The following FLG variants were observed in gnomAD, a reference collection of about 807,000 sequenced individuals.
FLG encodes the protein epidermal filaggrin.
FLG carries 6 observed loss-of-function variants against 3.8 expected under a neutral mutation model. The ratio of observed to expected loss-of-function variants is 1.60; its 90% CI spans 0.87 to 3.15. FLG has a LOEUF of 3.15. Ranked by LOEUF, FLG falls within the 30% of genes most tolerant of loss-of-function variation. FLG has a pLI of 0.00. For synonymous variants in FLG, 2,551 were observed against 1,931.6 expected (o/e 1.32, Z -8.41); for missense variants, 7,595 against 5,050.9 (o/e 1.50, Z -15.27).
rs149599296 is a variant in FLG at position 152,314,212 on chromosome 1, T to C, written c.674A>G (p.Gln225Arg). Residue 225 changes from glutamine to arginine, a missense_variant, in exon 3 of 3, where the codon CAA (glutamine) becomes CGA (arginine). Gln to Arg is a conservative substitution (Grantham distance 43). Coordinates refer to ENST00000368799, the MANE Select transcript of FLG (RefSeq NM_002016.2). ...YDYENTGRMT[Q>R]KWIQSGHIAT... The stretch of plus-strand genomic sequence containing the variant: ...AATATGGCCTGATTGTATCCATTTT[T>C]GAGTCATTCTTCCTGTATTTTCATA... The C allele has an allele frequency of 1.2e-6, 2 of 1,614,106 alleles. No individual in the cohort carries two copies. Among genetic ancestry groups the C allele is most frequent in the Non-Finnish European group, 1.7e-6 (2 of 1,180,016 alleles).
Position 152,309,202 on chromosome 1 carries a change from G to C in FLG, c.5684C>G (p.Ser1895Cys). Reference sequence around the variant, plus strand: ...TCCCTGGCCCACCTGCGAGTGTCTAGAGCTGTCGGCCCGAGAGGAAGCTTC... The same window carrying C: ...TCCCTGGCCCACCTGCGAGTGTCTACAGCTGTCGGCCCGAGAGGAAGCTTC... ...HHEASSRADS[S>C]RHSQVGQGQS... Residue 1895 changes from serine (S) to cysteine (C), a missense_variant, in exon 3 of 3, where the codon TCT becomes TGT. Physicochemically the swap from Ser to Cys is moderately radical, Grantham distance 112. Transcript: ENST00000368799. 1 of 1,613,730 alleles carries C rather than the reference G, an allele frequency of 6.2e-7. No homozygotes were observed. Among genetic ancestry groups the C allele is most frequent in the Non-Finnish European group, 8.5e-7 (1 of 1,179,942 alleles).
In FLG at chr1:152,310,918, G is replaced by T. The variant is rs1302490151; in HGVS notation, c.3968C>A (p.Ala1323Glu). 3.1e-6 allele frequency: 5 copies of T among 1,614,024 alleles called. No homozygotes were observed. Among genetic ancestry groups the T allele is most frequent in the Non-Finnish European group, 4.2e-6 (5 of 1,179,996 alleles). The change falls in exon 3 of 3, where the codon GCA becomes GAA. Residue 1323 changes from alanine (A) to glutamate (E), a missense_variant. Ala to Glu is a moderately radical substitution (Grantham distance 107). Coordinates refer to ENST00000368799, the MANE Select transcript of FLG (RefSeq NM_002016.2). ...AGTGCCTGATTGTCTGGAGCTGTCT[G>T]CAGAGTGCCCGTGACTGGCTCTGTC... is the stretch of plus-strand genomic sequence containing the variant. ...QEDRASHGHS[A>E]DSSRQSGTHH...
Position 152,312,688 on chromosome 1 carries a change from G to A in FLG, c.2198C>T (p.Ala733Val), listed in dbSNP as rs1345980902. The change falls in exon 3 of 3, where the codon GCA (alanine) becomes GTA (valine). Residue 733 changes from alanine (A) to valine (V), a missense_variant. Coordinates refer to ENST00000368799, the MANE Select transcript of FLG (RefSeq NM_002016.2). ...CCCTCGGTGTCCACTGTCTCTGACT[G>A]CAGATGAAGCTTGTCCGTGCCCAGT... ...SGTGHGQASS[A>V]VRDSGHRGSS... The A allele has an allele frequency of 2.5e-6, 4 of 1,614,004 alleles. No homozygotes were observed. Among genetic ancestry groups the A allele is most frequent in the Non-Finnish European group, 2.5e-6 (3 of 1,180,030 alleles).
chr1:152,310,722 T>G lies in FLG; in HGVS notation c.4164A>C (p.Arg1388=). 1.2e-6 allele frequency: 2 copies of G among 1,613,964 alleles called. No individual in the cohort carries two copies. Among genetic ancestry groups the G allele is most frequent in the Non-Finnish European group, 1.7e-6 (2 of 1,179,992 alleles). The change falls in exon 3 of 3, where the codon CGA becomes CGC. Residue 1388 remains arginine (R), a synonymous_variant. Coordinates refer to ENST00000368799, the MANE Select transcript of FLG (RefSeq NM_002016.2). The part of the protein sequence containing the change: ...ASSAVRDSGH[R]GSSGSQVTNS... ...TAGTGACCTGACTACCACTGGACCC[T>G]CGGTGTCCACTGTCTCTGACTGCAG...
chr1:152,303,666 C>G lies in FLG; in HGVS notation c.11220G>C (p.Glu3740Asp). Residue 3740 changes from glutamate (E) to aspartate (D), a missense_variant, in exon 3 of 3, where the codon GAG becomes GAC. Physicochemically the swap from Glu to Asp is conservative, Grantham distance 45. Transcript: ENST00000368799. ...AGTGCCTGGAGCTGTCTCGTGCCTG[C>G]TCGTGGCGGGATCCTTGTCTTCCTC... ...STGGRQGSRH[E>D]QARDSSRHSA... The G allele has an allele frequency of 6.2e-7, 1 of 1,613,958 alleles. No individual in the cohort carries two copies. The highest frequency in any genetic ancestry group is 8.5e-7 in the Non-Finnish European group (1 of 1,179,958).
At position 152,313,874 on chromosome 1, in the gene FLG, A is replaced by G; in HGVS notation, c.1012T>C (p.Ser338Pro). ...QSRDGSRHPR[S>P]HDEDRASHGH... Reference sequence around the variant, plus strand: ...TGACTGGCTCTGTCTTCATCATGGGACCTGGGGTGTCTGGAGCCATCTCTT... The same window carrying G: ...TGACTGGCTCTGTCTTCATCATGGGGCCTGGGGTGTCTGGAGCCATCTCTT... The change falls in exon 3 of 3, where the codon TCC becomes CCC. Residue 338 changes from serine to proline, a missense_variant. Physicochemically the swap from Ser to Pro is moderately conservative, Grantham distance 74. Coordinates refer to ENST00000368799, the MANE Select transcript of FLG (RefSeq NM_002016.2). 1.2e-6 allele frequency: 2 copies of G among 1,613,718 alleles called. No homozygotes were observed. Among genetic ancestry groups the G allele is most frequent in the Non-Finnish European group, 1.7e-6 (2 of 1,179,910 alleles).
Position 152,304,614 on chromosome 1 carries a change from G to A in FLG, c.10272C>T (p.His3424=), listed in dbSNP as rs758031430. 70 of 1,610,898 alleles carry A rather than the reference G, an allele frequency of 4.3e-5. No individual in the cohort carries two copies. The highest frequency in any genetic ancestry group is 5.1e-5 in the Non-Finnish European group (60 of 1,178,486). ...TGTCCTGACCCTCTTGGGACGCTGA[G>A]TGCCTGGAGCTGTCTCGTGCCTGCT... The part of the protein sequence containing the change: ...HHEQARDSSR[H]SASQEGQDTI... The change falls in exon 3 of 3, where the codon CAC becomes CAT. Residue 3424 remains histidine, a synonymous_variant. Transcript: ENST00000368799.
In FLG at chr1:152,305,968, C is replaced by T. The variant is rs1276361597; in HGVS notation, c.8918G>A (p.Ser2973Asn). The change falls in exon 3 of 3, where the codon AGT (serine) becomes AAT (asparagine). Residue 2973 changes from serine to asparagine, a missense_variant. Physicochemically the swap from Ser to Asn is conservative, Grantham distance 46. Coordinates refer to ENST00000368799, the MANE Select transcript of FLG (RefSeq NM_002016.2). ...AASSHEQARS[S>N]AGERHGSHHQ... ...GTGGGATCCATGTCTTTCTCCTGCA[C>T]TTGATCTTGCCTGTTCATGGGATGA... The T allele has an allele frequency of 6.4e-7, 1 of 1,554,568 alleles. No homozygotes were observed. The highest frequency in any genetic ancestry group is 1.1e-5 in the South Asian group (1 of 89,964).
chr1:152,317,171 CTT>C (rs1024122060), intron 1 of FLG, among the ~76,000 whole-genome samples: 4 of 152,094 alleles, frequency 2.6e-5, no homozygotes, highest in Admixed American at 2.6e-4. Context: ...ATTAATTCTT[CTT>C]TGTCTACTGG....
At position 152,304,930 on chromosome 1, in the gene FLG, G is replaced by T. The variant is rs138519433; in HGVS notation, c.9956C>A (p.Pro3319Gln). 3 of 1,613,164 alleles carry T rather than the reference G, an allele frequency of 1.9e-6. No individual in the cohort carries two copies. Among genetic ancestry groups the T allele is most frequent in the Middle Eastern group, 1.6e-4 (1 of 6,082 alleles). ...SADSSRHSGI[P>Q]RGQASSAVRD... Reference sequence around the variant, plus strand: ...GACTGCAGATGAAGCTTGTCCACGCGGAATGCCTGAGTGTCTGGAGCTGTC... The same window carrying T: ...GACTGCAGATGAAGCTTGTCCACGCTGAATGCCTGAGTGTCTGGAGCTGTC... The change falls in exon 3 of 3, where the codon CCG (proline) becomes CAG (glutamine). Residue 3319 changes from proline (P) to glutamine (Q), a missense_variant. Transcript: ENST00000368799.
Position 152,314,022 on chromosome 1 carries a change from C to T in FLG, c.864G>A (p.Arg288=). Residue 288 remains arginine (R), a synonymous_variant, in exon 3 of 3, where the codon AGG becomes AGA. Transcript: ENST00000368799. ...CTCTGGATCCCCTACGCTTTCTTGT[C>T]CTGGACTCCTGCAATGGTACCTGGC... The part of the protein sequence containing the change: ...NTSQVPLQES[R]TRKRRGSRVS... The T allele has an allele frequency of 6.2e-7, 1 of 1,614,154 alleles. No homozygotes were observed. Among genetic ancestry groups the T allele is most frequent in the Non-Finnish European group, 8.5e-7 (1 of 1,180,032 alleles).
In FLG at chr1:152,313,062, T is replaced by C. The variant is rs200389088; in HGVS notation, c.1824A>G (p.Ser608=). The part of the protein sequence containing the change: ...SRHSQVGQGQ[S]SGPRTSRNQG... ...GGTTCCTACTTGTCCTGGGCCCCGA[T>C]GATTGTCCCTGGCCCACCTGTGAGT... The change falls in exon 3 of 3, where the codon TCA becomes TCG. Residue 608 remains serine (S), a synonymous_variant. Transcript: ENST00000368799. 5 of 1,613,832 alleles carry C rather than the reference T, an allele frequency of 3.1e-6. No individual in the cohort carries two copies. The highest frequency in any genetic ancestry group is 4.2e-6 in the Non-Finnish European group (5 of 1,180,006).
At position 152,308,667 on chromosome 1, in the gene FLG, T is replaced by C. The variant is rs769415669; in HGVS notation, c.6219A>G (p.Lys2073=). 1 of 1,614,150 alleles carries C rather than the reference T, an allele frequency of 6.2e-7. No individual in the cohort carries two copies. The highest frequency in any genetic ancestry group is 2.2e-5 in the East Asian group (1 of 44,876). ...CCCCTGACTGGCCACGTGCGGACTC[T>C]TTGTGGCTCTGCTGATGGGGCCCAG... ...GKAGPHQQSH[K]ESARGQSGES... is the part of the protein sequence containing the mutation. Residue 2073 remains lysine (K), a synonymous_variant, in exon 3 of 3, where the codon AAA becomes AAG. Coordinates refer to ENST00000368799, the MANE Select transcript of FLG (RefSeq NM_002016.2).
chr1:152,307,970 G>A lies in FLG; in HGVS notation c.6916C>T (p.His2306Tyr). 1 of 1,614,190 alleles carries A rather than the reference G, an allele frequency of 6.2e-7. No homozygotes were observed. The highest frequency in any genetic ancestry group is 8.5e-7 in the Non-Finnish European group (1 of 1,180,050). The change falls in exon 3 of 3, where the codon CAT becomes TAT. Residue 2306 changes from histidine to tyrosine, a missense_variant. Transcript: ENST00000368799. ...AESSRQSGTH[H>Y]AENSSGGQAA... Reference sequence around the variant, plus strand: ...TGTCCACCAGAGGAATTCTCTGCATGATGAGTGCCTGATTGTCTGGAGCTC... The same window carrying A: ...TGTCCACCAGAGGAATTCTCTGCATAATGAGTGCCTGATTGTCTGGAGCTC...
In FLG at chr1:152,314,041, A is replaced by G. The variant is rs749387670; in HGVS notation, c.845T>C (p.Val282Ala). 5 of 1,614,104 alleles carry G rather than the reference A, an allele frequency of 3.1e-6. No individual in the cohort carries two copies. In the South Asian group the frequency reaches 4.4e-5, roughly 14 times the overall value. The change falls in exon 3 of 3, where the codon GTA (valine) becomes GCA (alanine). Residue 282 changes from valine (V) to alanine (A), a missense_variant. Coordinates refer to ENST00000368799, the MANE Select transcript of FLG (RefSeq NM_002016.2). ...NRSRHENTSQVPLQESRTRKR... is the reference protein window; with the variant it reads ...NRSRHENTSQAPLQESRTRKR... ...TCTTGTCCTGGACTCCTGCAATGGTACCTGGCTTGTATTTTCATGTCTTGA... is the reference window on the plus strand; with the variant it reads ...TCTTGTCCTGGACTCCTGCAATGGTGCCTGGCTTGTATTTTCATGTCTTGA...
chr1:152,308,378 G>C lies in FLG; in HGVS notation c.6508C>G (p.His2170Asp), dbSNP rs1460746308. The change falls in exon 3 of 3, where the codon CAC (histidine) becomes GAC (aspartate). Residue 2170 changes from histidine to aspartate, a missense_variant. Coordinates refer to ENST00000368799, the MANE Select transcript of FLG (RefSeq NM_002016.2). ...TCAGACCTTCCCTGGGATGTGGTGT[G>C]GCTGTGATGAGACCCTGAGTGTCCA... ...RSGHSGSHHS[H>D]TTSQGRSDAS... The C allele has an allele frequency of 1.9e-6, 3 of 1,613,680 alleles. No individual in the cohort carries two copies. In the South Asian group the frequency reaches 3.3e-5, roughly 18 times the overall value.
At chr1:152,320,442 A>G (rs1048688513) in intron 1 of FLG, among the ~76,000 whole-genome samples, 5 of 150,658 alleles carry the variant, frequency 3.3e-5, no homozygotes, top group African/African-American at 1.2e-4. Flanking sequence ...CCATTCAAAC[A>G]CTAAAAGAAA....
Position 152,314,143 on chromosome 1 carries a change from T to G in FLG, c.743A>C (p.Asp248Ala). 1.2e-6 allele frequency: 2 copies of G among 1,614,196 alleles called. No homozygotes were observed. Among genetic ancestry groups the G allele is most frequent in the Non-Finnish European group, 1.7e-6 (2 of 1,180,008 alleles). The change falls in exon 3 of 3, where the codon GAT becomes GCT. Residue 248 changes from aspartate (D) to alanine (A), a missense_variant. Physicochemically the swap from Asp to Ala is moderately radical, Grantham distance 126. Coordinates refer to ENST00000368799, the MANE Select transcript of FLG (RefSeq NM_002016.2). The stretch of plus-strand genomic sequence containing the variant: ...TATTTTGTTTTCTTCTAATAGACTA[T>G]CAGTGGTGTCATAGGCTTCATCCTG... Reference protein sequence around the residue: ...TIQDEAYDTTDSLLEENKIYE... With the variant: ...TIQDEAYDTTASLLEENKIYE...
At position 152,314,065 on chromosome 1, in the gene FLG, G is replaced by A; in HGVS notation, c.821C>T (p.Ser274Leu). 6.2e-7 allele frequency: 1 copy of A among 1,614,098 alleles called. No individual in the cohort carries two copies. The highest frequency in any genetic ancestry group is 1.1e-5 in the South Asian group (1 of 91,082). Residue 274 changes from serine to leucine, a missense_variant, in exon 3 of 3, where the codon TCA (serine) becomes TTA (leucine). Physicochemically the swap from Ser to Leu is moderately radical, Grantham distance 145. Coordinates refer to ENST00000368799, the MANE Select transcript of FLG (RefSeq NM_002016.2). Reference sequence around the variant, plus strand: ...TACCTGGCTTGTATTTTCATGTCTTGACCTGTTCACTTGAGATGATGATTT... The same window carrying A: ...TACCTGGCTTGTATTTTCATGTCTTAACCTGTTCACTTGAGATGATGATTT... ...DGKSSSQVNR[S>L]RHENTSQVPL...
Sources: gnomAD v4.1 joint callset for allele counts (sites outside exome capture counted in the v4.1 genomes callset) on GRCh38, gnomAD v4.1.1 for gene constraint, MANE v1.5 for transcripts, NCBI Gene and HGNC (gene_info 2026-07-23, HGNC 2026-07-21) for gene names.